POC5: variants seen among roughly 807,000 people sequenced by gnomAD.
The protein encoded by POC5 is centrosomal protein POC5.
In POC5, 48 loss-of-function variants were observed where a neutral mutation model predicts 62.9. That is an observed-to-expected ratio of 0.76 (90% confidence interval 0.61 to 0.97). The LOEUF is 0.97. Ranked by LOEUF, POC5 falls within the 50% of genes least tolerant of loss-of-function variation. The pLI is 0.00. For synonymous variants in POC5, 236 were observed against 228.2 expected (o/e 1.03, Z -0.31); for missense variants, 696 against 679.5 (o/e 1.02, Z -0.27).
intron 7 of POC5, among the ~76,000 whole-genome samples, chr5:75,691,615 T>A (rs1281271651): frequency 1.3e-5 from 2 of 152,172 alleles, no homozygotes; most frequent in African/African-American, 4.8e-5. Flanking sequence ...TAAGGGATAC[T>A]CAACCTGTAC....
chr5:75,695,521 G>T (rs1364163374), intron 5 of POC5, among the ~76,000 whole-genome samples: 2 of 152,030 alleles, frequency 1.3e-5, no homozygotes, highest in Admixed American at 6.5e-5. Context: ...AGAATTTAAG[G>T]TTCCAAATGA....
chr5:75,703,590 C>A (rs1008922536), intron 4 of POC5, among the ~76,000 whole-genome samples: 17 of 151,716 alleles, frequency 1.1e-4, no homozygotes, highest in Non-Finnish European at 2.2e-4. Flanking sequence ...CGTGCCACTG[C>A]ACTCCAGCCT....
rs560155409 is a variant in POC5, at chr5:75,694,389, C to T, written c.690+266G>A. On this transcript the variant is annotated intron_variant, in intron 6 of 11. Transcript: ENST00000428202. ...ATTGACAAATCATAATAGTTTTATA[C>T]ATTTATGGGTTACAAGGTGATGTTT... Among the ~76,000 whole-genome samples, 15 of 152,108 alleles carry T rather than the reference C, an allele frequency of 9.9e-5. 1 individual carries two copies. In the South Asian group the frequency reaches 2.3e-3, roughly 23 times the overall value.
At chr5:75,701,577 G>C (rs1311721908) in intron 5 of POC5, among the ~76,000 whole-genome samples, 1 of 123,174 alleles carries the variant, frequency 8.1e-6, no homozygotes, top group African/African-American at 3.0e-5. Context: ...TTGTTGGGTG[G>C]GGGGAGGGGG....
At chr5:75,710,551 G>C (rs760950866) in intron 2 of POC5, among the ~76,000 whole-genome samples, 2 of 152,148 alleles carry the variant, frequency 1.3e-5, no homozygotes, top group Non-Finnish European at 2.9e-5. Flanking sequence ...ACTGAGGAAA[G>C]GCCATGCAAA....
At chr5:75,698,476 A>C (rs1776709458) in intron 5 of POC5, among the ~76,000 whole-genome samples, 1 of 152,208 alleles carries the variant, frequency 6.6e-6, no homozygotes, top group Non-Finnish European at 1.5e-5. Context: ...TACTGGGTAC[A>C]TAATGAAATG....
chr5:75,704,153 CAAA>C (rs373819320), intron 4 of POC5, among the ~76,000 whole-genome samples: 50 of 89,588 alleles, frequency 5.6e-4, no homozygotes, highest in South Asian at 1.4e-3. Flanking sequence ...GACTCTGTCT[CAAA>C]AAAAAAAAAA....
At chr5:75,703,970 AT>A (rs1420787577) in intron 4 of POC5, among the ~76,000 whole-genome samples, 1 of 152,026 alleles carries the variant, frequency 6.6e-6, no homozygotes, top group Non-Finnish European at 1.5e-5. Flanking sequence ...CCTGGCCAAC[AT>A]GGTAAAACCC....
In POC5 at chr5:75,707,742, C is replaced by A; in HGVS notation, c.218G>T (p.Ser73Ile). ...TCTTGAAAAATATATATAACCTTGA[C>A]TATGAAGAATATCATGAATTGTAGA... The part of the protein sequence containing the change: ...RISTIHDILH[S>I]QGNNSEVRET... The change falls in exon 3 of 12, where the codon AGT becomes ATT. Residue 73 changes from serine (S) to isoleucine (I), a missense_variant. Transcript: ENST00000428202. The A allele has an allele frequency of 1.3e-6, 2 of 1,533,942 alleles. No individual in the cohort carries two copies. Among genetic ancestry groups the A allele is most frequent in the Non-Finnish European group, 1.8e-6 (2 of 1,130,768 alleles).
chr5:75,711,876 G>A (rs1331216236), intron 2 of POC5, among the ~76,000 whole-genome samples: 1 of 152,154 alleles, frequency 6.6e-6, no homozygotes, highest in Non-Finnish European at 1.5e-5. Context: ...AGCTCACAAG[G>A]TGTTTACATT....
chr5:75,713,864 A>G (rs191231738), intron 1 of POC5, among the ~76,000 whole-genome samples: 2 of 152,322 alleles, frequency 1.3e-5, no homozygotes, highest in East Asian at 1.9e-4. Context: ...AGCCATGGAC[A>G]TGTATGCCAC....
chr5:75,714,849 T>C (rs1350064327), intron 1 of POC5, among the ~76,000 whole-genome samples: 1 of 152,104 alleles, frequency 6.6e-6, no homozygotes. Context: ...GAGTTAAGCA[T>C]TGTGGGAGCG....
At chr5:75,705,842 C>A in intron 3 of POC5, 55 bp from the exon 4 acceptor site, 1 of 1,075,962 alleles carries the variant, frequency 9.3e-7, no homozygotes, top group South Asian at 1.6e-5. Context: ...AATAAAATGT[C>A]TAATCACACA....
chr5:75,680,463 A>G (rs1224224906), intron 10 of POC5, among the ~76,000 whole-genome samples: 1 of 152,138 alleles, frequency 6.6e-6, no homozygotes, highest in South Asian at 2.1e-4. Flanking sequence ...ATGACTTCTA[A>G]AAGACTTCTA....
At chr5:75,702,941 T>G (rs1776953297) in intron 4 of POC5, 131 bp from the exon 5 acceptor site, 4 of 678,564 alleles carry the variant, frequency 5.9e-6, no homozygotes, top group Non-Finnish European at 1.0e-5. Context: ...AAACTACCTT[T>G]CAGGTGTACC....
At position 75,674,343 on chromosome 5, in the gene POC5, G is replaced by T; in HGVS notation, c.*92C>A. The T allele has an allele frequency of 7.3e-7, 1 of 1,366,064 alleles. No individual in the cohort carries two copies. Among genetic ancestry groups the T allele is most frequent in the South Asian group, 1.4e-5 (1 of 69,284 alleles). 84.6% of individuals were successfully genotyped at this position (1,366,064 alleles called of 1,614,324 possible). A position where few individuals can be genotyped will look rare whatever the true frequency, so the allele number is the denominator to read the frequency against. On this transcript the variant is annotated 3_prime_UTR_variant, in exon 12 of 12. Coordinates refer to ENST00000428202, the MANE Select transcript of POC5 (RefSeq NM_001099271.2). ...CAGATGAACATGATGTCTCCATGAT[G>T]TTCTAACAATATGGAAAAGTTAAAA...
At chr5:75,704,175 T>C (rs1194796388) in intron 4 of POC5, among the ~76,000 whole-genome samples, 1 of 148,006 alleles carries the variant, frequency 6.8e-6, no homozygotes, top group Non-Finnish European at 1.5e-5. Flanking sequence ...AAAAAAGCAC[T>C]GAGAAAGAAA....
chr5:75,684,818 T>C (rs1054692459), intron 10 of POC5, among the ~76,000 whole-genome samples: 4 of 152,144 alleles, frequency 2.6e-5, no homozygotes, highest in African/African-American at 7.2e-5. Context: ...GATTTTTTTT[T>C]TCTCCATAGG....
chr5:75,717,046 G>T (rs763980244), intron 1 of POC5, among the ~76,000 whole-genome samples: 32 of 152,148 alleles, frequency 2.1e-4, no homozygotes, highest in Admixed American at 4.6e-4. Flanking sequence ...CTTTATACAT[G>T]GTTATTTTTT....
Sources: allele counts gnomAD v4.1 joint callset (sites outside exome capture counted in the v4.1 genomes callset), GRCh38; gene constraint gnomAD v4.1.1; transcripts MANE v1.5; gene names NCBI Gene and HGNC (gene_info 2026-07-23, HGNC 2026-07-21).